The following PTPRT variants were observed in gnomAD, a reference collection of about 807,000 sequenced individuals.
The protein encoded by PTPRT is protein tyrosine phosphatase receptor type T, also known as receptor-type tyrosine-protein phosphatase T.
Under a neutral mutation model 176.8 loss-of-function variants are expected in PTPRT, and 56 were observed. The observed-to-expected ratio is 0.32, with a 90% confidence interval of 0.26 to 0.40. The LOEUF is 0.40. Among genes scored for constraint, PTPRT ranks in the 10% least tolerant of loss-of-function variants. The pLI, the probability that PTPRT is intolerant of heterozygous loss-of-function variation, is 1.00. For missense variants in PTPRT, 1,540 were observed against 1,908.2 expected, an observed-to-expected ratio of 0.81 and a Z score of 3.60; for synonymous variants, 783 against 739.0, an observed-to-expected ratio of 1.06 and a Z score of -0.96.
At chr20:43,142,846 T>C (rs1446669583) in intron 1 of PTPRT, among the ~76,000 whole-genome samples, 2 of 152,226 alleles carry the variant, frequency 1.3e-5, no homozygotes, top group Non-Finnish European at 2.9e-5. Flanking sequence ...TCATTAATGC[T>C]ACAGATGCTG....
chr20:42,800,410 C>T (rs979919000), intron 2 of PTPRT, among the ~76,000 whole-genome samples: 1 of 152,118 alleles, frequency 6.6e-6, no homozygotes. Context: ...AAAATTAAGT[C>T]AGTTGTCAAG....
intron 7 of PTPRT, among the ~76,000 whole-genome samples, chr20:42,559,888 G>A (rs2072922891): frequency 6.6e-6 from 1 of 152,198 alleles, no homozygotes; most frequent in Admixed American, 6.5e-5. Context: ...CCGGGTGGGA[G>A]GTGAGAAGTT....
At position 42,085,881 on chromosome 20, in the gene PTPRT, G is replaced by A. The variant is rs1257544891; in HGVS notation, c.3847-28C>T. 8 of 1,591,562 alleles carry A rather than the reference G, an allele frequency of 5.0e-6. No homozygotes were observed. The South Asian group carries it at 8.9e-5, about 18-fold the overall frequency. ...GAGATAAGGAAAGAGGTCACAGAAG[G>A]AGCTCAAAGGCAGGGGGCGGGTATC... On this transcript the variant is annotated intron_variant, in intron 27 of 30. Coordinates refer to ENST00000373187, the MANE Select transcript of PTPRT (RefSeq NM_007050.6).
At chr20:43,113,761 G>A (rs2012953928) in intron 1 of PTPRT, among the ~76,000 whole-genome samples, 1 of 152,180 alleles carries the variant, frequency 6.6e-6, no homozygotes, top group Non-Finnish European at 1.5e-5. Flanking sequence ...GGCAGGGAGG[G>A]AAGGAAACAT....
chr20:42,048,166 TC>T, the PTPRT span, among the ~76,000 whole-genome samples: 1 of 152,198 alleles, frequency 6.6e-6, no homozygotes, highest in Non-Finnish European at 1.5e-5. Context: ...CAAGGATGAA[TC>T]CCTGACCAGT....
intron 7 of PTPRT, among the ~76,000 whole-genome samples, chr20:42,546,035 T>TG (rs2072667977): frequency 6.6e-6 from 1 of 152,210 alleles, no homozygotes; most frequent in South Asian, 2.1e-4. Flanking sequence ...CAAATACATG[T>TG]ATACATAGGT....
At chr20:42,673,975 G>A (rs1347811990) in intron 7 of PTPRT, among the ~76,000 whole-genome samples, 1 of 152,040 alleles carries the variant, frequency 6.6e-6, no homozygotes, top group African/African-American at 2.4e-5. Flanking sequence ...AACCCAGCCT[G>A]TAAATTCCTC....
intron 9 of PTPRT, among the ~76,000 whole-genome samples, chr20:42,410,278 T>A (rs2059001415): frequency 1.3e-5 from 2 of 152,126 alleles, no homozygotes; most frequent in African/African-American, 4.8e-5. Context: ...CAGATTGAAT[T>A]TGTTGGAAAT....
intron 6 of PTPRT, among the ~76,000 whole-genome samples, chr20:42,716,697 A>G (rs2076228907): frequency 6.6e-6 from 1 of 152,110 alleles, no homozygotes; most frequent in African/African-American, 2.4e-5. Flanking sequence ...CCCATTCCCA[A>G]AGGATTATAA....
chr20:42,817,775 C>T (rs890251074), intron 2 of PTPRT, among the ~76,000 whole-genome samples: 1 of 152,218 alleles, frequency 6.6e-6, no homozygotes, highest in Non-Finnish European at 1.5e-5. Flanking sequence ...CGTGCCTCTT[C>T]AGGCCTAACC....
intron 9 of PTPRT, among the ~76,000 whole-genome samples, chr20:42,424,858 T>A (rs1019536417): frequency 1.3e-5 from 2 of 150,182 alleles, no homozygotes; most frequent in South Asian, 4.4e-4. Flanking sequence ...GGGAGATGGT[T>A]CCAGTAAGAA....
At chr20:43,095,713 G>C (rs1361906536) in intron 1 of PTPRT, among the ~76,000 whole-genome samples, 1 of 90,016 alleles carries the variant, frequency 1.1e-5, no homozygotes, top group Non-Finnish European at 2.3e-5. Flanking sequence ...CTCTGTCTCT[G>C]TTTCTTCCTC....
intron 1 of PTPRT, among the ~76,000 whole-genome samples, chr20:43,047,446 G>C (rs933199633): frequency 6.6e-6 from 1 of 152,084 alleles, no homozygotes; most frequent in Admixed American, 6.6e-5. Flanking sequence ...CTTGGTTCTT[G>C]GGTCGCTTAA....
intron 1 of PTPRT, among the ~76,000 whole-genome samples, chr20:42,957,316 A>AT (rs1477957397): frequency 1.3e-5 from 2 of 152,206 alleles, no homozygotes; most frequent in African/African-American, 4.8e-5. Context: ...ATAAACATTT[A>AT]TAAAAACAGA....
intron 7 of PTPRT, among the ~76,000 whole-genome samples, chr20:42,672,116 G>A (rs1316959924): frequency 6.6e-6 from 1 of 152,212 alleles, no homozygotes; most frequent in African/African-American, 2.4e-5. Flanking sequence ...ATTGAAGGAT[G>A]CAAAGCATTG....
intron 11 of PTPRT, among the ~76,000 whole-genome samples, chr20:42,330,766 CA>C (rs777486432): frequency 6.6e-6 from 1 of 152,126 alleles, no homozygotes; most frequent in Non-Finnish European, 1.5e-5. Context: ...ATAGAGCATT[CA>C]AAGCAAACAG....
intron 16 of PTPRT, among the ~76,000 whole-genome samples, chr20:42,187,839 T>G (rs1600651333): frequency 3.3e-5 from 5 of 152,346 alleles, no homozygotes; most frequent in Admixed American, 3.3e-4. Flanking sequence ...CCCTGAGCTT[T>G]AACTGATGGC....
intron 2 of PTPRT, among the ~76,000 whole-genome samples, chr20:42,881,748 A>AG (rs1439062846): frequency 4.0e-5 from 6 of 148,414 alleles, no homozygotes; most frequent in African/African-American, 7.6e-5. Flanking sequence ...AAAAAAAAAA[A>AG]AGAGAGAGAG....
Position 43,089,818 on chromosome 20 carries a change from A to G in PTPRT, c.88+99828T>C, listed in dbSNP as rs185880601. ...CTCACCTCTTCCCCCAAGAGCAGCA[A>G]ATGAATTTTCCCAGGCTGAAACAGG... On this transcript the variant is annotated intron_variant, in intron 1 of 30. Transcript: ENST00000373187. Among the ~76,000 whole-genome samples, 782 of 152,286 alleles carry G rather than the reference A, an allele frequency of 5.1e-3. 5 individuals carry two copies. Among genetic ancestry groups the G allele is most frequent in the African/African-American group, 0.018 (731 of 41,552 alleles).
Sources: allele counts gnomAD v4.1 joint callset (sites outside exome capture counted in the v4.1 genomes callset), GRCh38; gene constraint gnomAD v4.1.1; transcripts MANE v1.5; gene names NCBI Gene and HGNC (gene_info 2026-07-23, HGNC 2026-07-21).